SPRED2: variants seen among roughly 807,000 people sequenced by gnomAD.
SPRED2 encodes the protein sprouty-related, EVH1 domain-containing protein 2.
In SPRED2, 47 loss-of-function variants were observed where a neutral mutation model predicts 43.0. That is an observed-to-expected ratio of 1.09 (90% CI 0.87 to 1.40). SPRED2 has a LOEUF of 1.40. Among genes scored for constraint, SPRED2 ranks in the 40% most tolerant of loss-of-function variants. The pLI is 0.00. For missense variants in SPRED2, 561 were observed against 586.4 expected, an observed-to-expected ratio of 0.96 and a Z score of 0.45; for synonymous variants, 225 against 225.7, an observed-to-expected ratio of 1.00 and a Z score of 0.03.
intron 1 of SPRED2, among the ~76,000 whole-genome samples, chr2:65,426,289 G>A (rs571176156): frequency 2.0e-5 from 3 of 152,106 alleles, no homozygotes; most frequent in Non-Finnish European, 4.4e-5. Context: ...AGTTTCTCAG[G>A]AGGCTTATAT....
chr2:65,308,273 A>G, downstream of SPRED2: 1 of 979,020 alleles, frequency 1.0e-6, no homozygotes, highest in African/African-American at 1.7e-5. Context: ...ACTGAGCAGG[A>G]CCCTGCCCTC....
chr2:65,350,924 A>C (rs1049242729), intron 1 of SPRED2, among the ~76,000 whole-genome samples: 1 of 152,210 alleles, frequency 6.6e-6, no homozygotes, highest in African/African-American at 2.4e-5. Flanking sequence ...GAGCTGAAGA[A>C]ACCTCTTTTT....
chr2:65,366,800 G>A lies in SPRED2; in HGVS notation c.27-21904C>T, dbSNP rs181701528. 15 of 1,302,146 alleles carry A rather than the reference G, an allele frequency of 1.2e-5. No individual in the cohort carries two copies. The Admixed American group carries it at 1.9e-4, about 17-fold the overall frequency. 80.7% of individuals were successfully genotyped at this position (1,302,146 alleles called of 1,614,324 possible). A position where few individuals can be genotyped will look rare whatever the true frequency, so the allele number is the denominator to read the frequency against. ...GGATGAGTCATCCGAGGGTTAGTCC[G>A]CATTTTATAGGCCTGTTGTGTCATT... On this transcript the variant is annotated intron_variant, in intron 1 of 5. Transcript: ENST00000356388.
intron 1 of SPRED2, among the ~76,000 whole-genome samples, chr2:65,410,545 G>A (rs1388413923): frequency 6.6e-6 from 1 of 152,144 alleles, no homozygotes; most frequent in Non-Finnish European, 1.5e-5. Context: ...GGATCACAAG[G>A]TCAGGAGATC....
At chr2:65,369,569 C>T (rs542354899) in intron 1 of SPRED2, among the ~76,000 whole-genome samples, 22 of 152,386 alleles carry the variant, frequency 1.4e-4, no homozygotes, top group Admixed American at 1.2e-3. Context: ...CTTTAACAGA[C>T]ATTTCTGTTT....
At chr2:65,356,551 TTTTTTTTG>T (rs1389519563) in intron 1 of SPRED2, among the ~76,000 whole-genome samples, 3 of 139,484 alleles carry the variant, frequency 2.2e-5, no homozygotes, top group Non-Finnish European at 4.6e-5. Context: ...TTTTTTTTTT[TTTTTTTTG>T]TGTGTGTGTA....
chr2:65,370,962 AG>A (rs1675111171), intron 1 of SPRED2, among the ~76,000 whole-genome samples: 1 of 152,208 alleles, frequency 6.6e-6, no homozygotes, highest in African/African-American at 2.4e-5. Flanking sequence ...GATCTGGAAG[AG>A]GCATGCAGGA....
intron 1 of SPRED2, among the ~76,000 whole-genome samples, chr2:65,386,690 G>A (rs1369608915): frequency 1.3e-5 from 2 of 152,122 alleles, no homozygotes; most frequent in African/African-American, 2.4e-5. Flanking sequence ...AGTAAAGCTC[G>A]GACTATCTAT....
At chr2:65,401,905 T>C (rs1408097035) in intron 1 of SPRED2, among the ~76,000 whole-genome samples, 1 of 149,258 alleles carries the variant, frequency 6.7e-6, no homozygotes, top group East Asian at 2.0e-4. Context: ...AGATTATAAA[T>C]TGTAAAACGA....
At chr2:65,414,417 G>A (rs368381763) in intron 1 of SPRED2, among the ~76,000 whole-genome samples, 1 of 151,986 alleles carries the variant, frequency 6.6e-6, no homozygotes, top group Admixed American at 6.6e-5. Context: ...CCTATCATCA[G>A]TATAACCTCT....
chr2:65,401,933 GCGCGCACACACACACACA>G (rs1253727311), intron 1 of SPRED2, among the ~76,000 whole-genome samples: 1 of 83,822 alleles, frequency 1.2e-5, no homozygotes, highest in East Asian at 2.7e-4. Flanking sequence ...ATTAGCGCGC[GCGCGCACACACACACACA>G]CACACACACA....
At chr2:65,350,432 G>A (rs530429446) in intron 1 of SPRED2, among the ~76,000 whole-genome samples, 9 of 152,148 alleles carry the variant, frequency 5.9e-5, no homozygotes, top group Admixed American at 1.3e-4. Flanking sequence ...AATGGAGCCC[G>A]AGTGTCTGAA....
intron 1 of SPRED2, among the ~76,000 whole-genome samples, chr2:65,364,276 A>G (rs1486577293): frequency 2.0e-5 from 3 of 152,242 alleles, no homozygotes; most frequent in Non-Finnish European, 2.9e-5. Context: ...GCGGGAATTA[A>G]GAGAAGAACC....
At chr2:65,351,949 A>G (rs1674524584) in intron 1 of SPRED2, among the ~76,000 whole-genome samples, 1 of 152,220 alleles carries the variant, frequency 6.6e-6, no homozygotes, top group South Asian at 2.1e-4. Context: ...AAGTTAACAT[A>G]ACGTAATTTT....
At chr2:65,405,081 G>A (rs1004388281) in intron 1 of SPRED2, among the ~76,000 whole-genome samples, 12 of 152,166 alleles carry the variant, frequency 7.9e-5, no homozygotes, top group African/African-American at 2.7e-4. Flanking sequence ...AATATTTACC[G>A]TGTGCTTTTC....
At chr2:65,349,210 G>A (rs375613752) in intron 1 of SPRED2, among the ~76,000 whole-genome samples, 2 of 150,032 alleles carry the variant, frequency 1.3e-5, no homozygotes, top group African/African-American at 4.9e-5. Context: ...TCAGGAGGCT[G>A]AGGCAGGAGA....
At chr2:65,423,736 G>C (rs957546609) in intron 1 of SPRED2, among the ~76,000 whole-genome samples, 2 of 151,122 alleles carry the variant, frequency 1.3e-5, no homozygotes, top group African/African-American at 4.9e-5. Context: ...CTCAGGTGCT[G>C]TGCTAAAATG....
At chr2:65,425,097 T>C (rs1398823377) in intron 1 of SPRED2, among the ~76,000 whole-genome samples, 1 of 151,852 alleles carries the variant, frequency 6.6e-6, no homozygotes, top group Non-Finnish European at 1.5e-5. Context: ...GAATAAATAA[T>C]GAAAATGAAA....
At chr2:65,394,416 G>A (rs1440587292) in intron 1 of SPRED2, among the ~76,000 whole-genome samples, 2 of 152,092 alleles carry the variant, frequency 1.3e-5, no homozygotes, top group Non-Finnish European at 2.9e-5. Context: ...CAGGAACAAG[G>A]GCTTAATGGA....
Sources: gnomAD v4.1 joint callset for allele counts (sites outside exome capture counted in the v4.1 genomes callset) on GRCh38, gnomAD v4.1.1 for gene constraint, MANE v1.5 for transcripts, NCBI Gene and HGNC (gene_info 2026-07-23, HGNC 2026-07-21) for gene names.